ZMYND8: variants seen among roughly 807,000 people sequenced by gnomAD.
ZMYND8 encodes the protein zinc finger MYND-type containing 8.
A neutral mutation model predicts 140.8 loss-of-function variants in ZMYND8; 37 were observed. That is an observed-to-expected ratio of 0.26 (90% CI 0.20 to 0.35). ZMYND8 has a LOEUF of 0.35. Among genes scored for constraint, ZMYND8 ranks in the 10% least tolerant of loss-of-function variants. The probability of loss-of-function intolerance (pLI) is 1.00; values close to 1 mark genes in which losing one functional copy is unlikely to be tolerated. For missense variants in ZMYND8, 1,068 were observed against 1,570.0 expected, an observed-to-expected ratio of 0.68 and a Z score of 5.40; for synonymous variants, 592 against 597.1, an observed-to-expected ratio of 0.99 and a Z score of 0.12.
rs138601912 is a variant in ZMYND8 at position 47,316,838 on chromosome 20, T to C, written c.86-6634A>G. ...AGAAAGCTAAGAGTTTCTTTTATTA[T>C]ATGTGATATTCTAGGCAATGTTCAA... On this transcript the variant is annotated intron_variant, in intron 2 of 22. Coordinates refer to ENST00000471951, the MANE Select transcript of ZMYND8 (RefSeq NM_001281775.3). 2.2e-4 allele frequency among the ~76,000 whole-genome samples: 34 copies of C among 151,986 alleles called. No individual in the cohort carries two copies. The East Asian group carries it at 6.2e-3, about 28-fold the overall frequency.
intron 2 of ZMYND8, among the ~76,000 whole-genome samples, chr20:47,338,167 A>C (rs549750800): frequency 6.6e-6 from 1 of 152,138 alleles, no homozygotes; most frequent in South Asian, 2.1e-4. Flanking sequence ...TGGTGGGTCC[A>C]GGTGTCCAGG....
Position 47,298,283 on chromosome 20 carries a change from C to T in ZMYND8, c.453+446G>A, listed in dbSNP as rs560258610. 271 of 985,372 alleles carry T rather than the reference C, an allele frequency of 2.8e-4. 3 individuals carry two copies. The African/African-American group carries it at 4.5e-3, about 16-fold the overall frequency. 61.0% of individuals were successfully genotyped at this position (985,372 alleles called of 1,614,324 possible). A position where few individuals can be genotyped will look rare whatever the true frequency, so the allele number is the denominator to read the frequency against. On this transcript the variant is annotated intron_variant, in intron 4 of 22. Coordinates refer to ENST00000471951, the MANE Select transcript of ZMYND8 (RefSeq NM_001281775.3). The surrounding 1 kb of genome is among the most constrained non-coding windows in gnomAD (Gnocchi z 5.0). ...TTGTTGCACAAAAGAAAGCACCAGA[C>T]GGCCACTACAGGGAACATGCAACCA...
At chr20:47,328,413 T>G (rs908201212) in intron 2 of ZMYND8, among the ~76,000 whole-genome samples, 1 of 151,984 alleles carries the variant, frequency 6.6e-6, no homozygotes, top group Non-Finnish European at 1.5e-5. Flanking sequence ...ACACTGATTT[T>G]TATCATTTGA....
chr20:47,350,042 T>G, intron 1 of ZMYND8: 2 of 1,444,012 alleles, frequency 1.4e-6, no homozygotes, highest in Non-Finnish European at 1.8e-6. Flanking sequence ...TGCTTCTGAG[T>G]TTTAAGATAA....
At chr20:47,211,454 C>CGG (rs58162707) in intron 22 of ZMYND8, among the ~76,000 whole-genome samples, 13,112 of 152,178 alleles carry the variant, frequency 0.086, 706 homozygotes, top group South Asian at 0.21. Context: ...CACTGACTCC[C>CGG]GGTAAGGACA....
chr20:47,221,497 GACGCCACATATAC>G (rs751334546), intron 19 of ZMYND8, 23 bp from the exon 20 acceptor site: 2 of 1,611,374 alleles, frequency 1.2e-6, no homozygotes, highest in Non-Finnish European at 1.7e-6. Flanking sequence ...GAGAGAGAGA[GACGCCACATATAC>G]ACAGAGTACG....
Position 47,298,607 on chromosome 20 carries a change from G to A in ZMYND8, c.453+122C>T, listed in dbSNP as rs2077800937. The A allele has an allele frequency of 6.7e-7, 1 of 1,503,144 alleles. No homozygotes were observed. Among genetic ancestry groups the A allele is most frequent in the Non-Finnish European group, 8.9e-7 (1 of 1,125,062 alleles). 93.1% of individuals were successfully genotyped at this position (1,503,144 alleles called of 1,614,324 possible). A position where few individuals can be genotyped will look rare whatever the true frequency, so the allele number is the denominator to read the frequency against. The stretch of plus-strand genomic sequence containing the variant: ...GAAGGGGGTGACCAGGATAGAACAG[G>A]TGGAAAGCAAGAAATTTCTCTTTTC... On this transcript the variant is annotated intron_variant, in intron 4 of 22. Transcript: ENST00000471951. This position sits in a 1 kb window ranked among gnomAD's most constrained non-coding sequence, Gnocchi z 5.0.
chr20:47,281,321 CTG>C (rs2147857500), intron 10 of ZMYND8, among the ~76,000 whole-genome samples: 1 of 152,250 alleles, frequency 6.6e-6, no homozygotes, highest in South Asian at 2.1e-4. Context: ...TCTGGACACT[CTG>C]TGTGTGTACA....
At chr20:47,322,493 T>C (rs964726247) in intron 2 of ZMYND8, among the ~76,000 whole-genome samples, 1 of 146,392 alleles carries the variant, frequency 6.8e-6, no homozygotes, top group Non-Finnish European at 1.5e-5. Context: ...CAGGCTGGAG[T>C]GCAGTGGCGC....
chr20:47,329,408 A>G (rs1009986472), intron 2 of ZMYND8, among the ~76,000 whole-genome samples: 2 of 151,658 alleles, frequency 1.3e-5, no homozygotes, highest in African/African-American at 4.9e-5. Flanking sequence ...TTGTAAATCT[A>G]ATTTTTTTTT....
At chr20:47,336,475 C>A (rs2081392637) in intron 2 of ZMYND8, among the ~76,000 whole-genome samples, 1 of 152,186 alleles carries the variant, frequency 6.6e-6, no homozygotes. Flanking sequence ...ACAAAACGCA[C>A]ACATGGCAGG....
chr20:47,270,446 TA>T (rs1326135387), intron 11 of ZMYND8, among the ~76,000 whole-genome samples: 4 of 151,428 alleles, frequency 2.6e-5, no homozygotes, highest in Non-Finnish European at 2.9e-5. Flanking sequence ...GGTTAAGCTT[TA>T]AAAAAATAAA....
intron 2 of ZMYND8, among the ~76,000 whole-genome samples, chr20:47,331,411 G>T (rs912718585): frequency 5.3e-5 from 8 of 152,154 alleles, no homozygotes; most frequent in Admixed American, 2.6e-4. Flanking sequence ...CATATCTCTG[G>T]GGGTGAAGAT....
intron 21 of ZMYND8, 64 bp from the exon 22 acceptor site, chr20:47,212,789 G>A (rs1212961817): frequency 1.4e-6 from 2 of 1,443,296 alleles, no homozygotes; most frequent in African/African-American, 1.4e-5. Context: ...ACAACCCCAA[G>A]TGCTTACTAT....
intron 2 of ZMYND8, among the ~76,000 whole-genome samples, chr20:47,315,546 TGG>T (rs2079314898): frequency 2.0e-5 from 3 of 151,974 alleles, no homozygotes; most frequent in Admixed American, 2.0e-4. Context: ...CCCACTCCAG[TGG>T]GGGCTGGGCC....
intron 2 of ZMYND8, among the ~76,000 whole-genome samples, chr20:47,343,927 T>C (rs2082121371): frequency 6.6e-6 from 1 of 151,294 alleles, no homozygotes; most frequent in Non-Finnish European, 1.5e-5. Context: ...GACAGCCAGA[T>C]GGTCATGGTC....
At chr20:47,262,147 A>T in intron 12 of ZMYND8, 141 bp downstream of exon 12, 3 of 1,169,858 alleles carry the variant, frequency 2.6e-6, no homozygotes, top group Non-Finnish European at 3.7e-6. Flanking sequence ...ATCTTTTCTC[A>T]CCTTCATCCT....
chr20:47,230,588 G>A (rs1021021474), intron 16 of ZMYND8, among the ~76,000 whole-genome samples: 1 of 151,988 alleles, frequency 6.6e-6, no homozygotes, highest in Non-Finnish European at 1.5e-5. Context: ...ACCCCCAGAT[G>A]TCTTTTATTT....
intron 21 of ZMYND8, among the ~76,000 whole-genome samples, chr20:47,214,896 T>A (rs1380285641): frequency 6.6e-6 from 1 of 152,110 alleles, no homozygotes; most frequent in Non-Finnish European, 1.5e-5. Flanking sequence ...ATACCATGAT[T>A]CTAGCCAATC....
Sources: gnomAD v4.1 joint callset for allele counts (sites outside exome capture counted in the v4.1 genomes callset) on GRCh38, gnomAD v4.1.1 for gene constraint, Gnocchi (gnomAD v3.1) non-coding constraint, MANE v1.5 for transcripts, NCBI Gene and HGNC (gene_info 2026-07-23, HGNC 2026-07-21) for gene names.